DNAI7: variants seen among roughly 807,000 people sequenced by gnomAD.
The protein encoded by DNAI7 is cancer susceptibility 1.
A neutral mutation model predicts 86.6 loss-of-function variants in DNAI7; 78 were observed. That is an observed-to-expected ratio of 0.90 (90% CI 0.75 to 1.09). DNAI7 has a LOEUF of 1.09. Ranked by LOEUF, DNAI7 falls within the 50% of genes least tolerant of loss-of-function variation. The pLI, the probability that DNAI7 is intolerant of heterozygous loss-of-function variation, is 0.00. For synonymous variants in DNAI7, 274 were observed against 273.0 expected (o/e 1.00, Z -0.04); for missense variants, 753 against 810.2 (o/e 0.93, Z 0.86).
intron 4 of DNAI7, 76 bp from the exon 5 acceptor site, chr12:25,155,488 A>G: frequency 1.5e-6 from 1 of 682,942 alleles, no homozygotes; most frequent in East Asian, 2.8e-5. Context: ...TCTAAAACTG[A>G]CGTGGCTAAA....
At chr12:25,173,232 G>A (rs187462363) in intron 2 of DNAI7, among the ~76,000 whole-genome samples, 7 of 151,994 alleles carry the variant, frequency 4.6e-5, no homozygotes, top group South Asian at 2.1e-4. Context: ...AATCTGCAAC[G>A]AACTCAAGCA....
intron 2 of DNAI7, among the ~76,000 whole-genome samples, chr12:25,174,006 A>G (rs2141183429): frequency 6.7e-6 from 1 of 149,072 alleles, no homozygotes; most frequent in South Asian, 2.1e-4. Flanking sequence ...CATATATCAT[A>G]TACATGGAAT....
intron 9 of DNAI7, among the ~76,000 whole-genome samples, chr12:25,127,497 ATTT>A (rs916321418): frequency 9.9e-5 from 15 of 152,208 alleles, no homozygotes; most frequent in African/African-American, 3.1e-4. Flanking sequence ...GACAACTGGA[ATTT>A]TTACTTCAAT....
rs1946473644 is a variant in DNAI7, at chr12:25,158,534, C to CTTCT, written c.132_135dup (p.Glu46ArgfsTer7). ...CGCTGTATTTCAAGCCTTTCCATTT[C>CTTCT]TTCTTTCTCATATTTCAAACGGGCT... is the stretch of plus-strand genomic sequence containing the variant. On this transcript the variant is annotated frameshift_variant, in exon 4 of 16. Transcript: ENST00000395987. LOFTEE classifies it high-confidence loss of function. 6.2e-7 allele frequency: 1 copy of CTTCT among 1,612,864 alleles called. No homozygotes were observed. The highest frequency in any genetic ancestry group is 1.3e-5 in the African/African-American group (1 of 74,994).
At chr12:25,141,821 C>A (rs1944227372) in intron 9 of DNAI7, among the ~76,000 whole-genome samples, 1 of 142,698 alleles carries the variant, frequency 7.0e-6, no homozygotes, top group South Asian at 2.4e-4. Context: ...CAGAGTGAGA[C>A]TCTGTCTCAA....
intron 6 of DNAI7, 40 bp downstream of exon 6, chr12:25,154,279 T>G (rs1391936731): frequency 9.2e-6 from 14 of 1,525,670 alleles, no homozygotes; most frequent in Non-Finnish European, 1.2e-5. Context: ...ATCAGACTAT[T>G]TGTAATAGCC....
At chr12:25,122,940 T>G (rs1941549062) in intron 10 of DNAI7, among the ~76,000 whole-genome samples, 1 of 152,232 alleles carries the variant, frequency 6.6e-6, no homozygotes, top group Non-Finnish European at 1.5e-5. Context: ...GTGTTCTATG[T>G]ATGTAACACG....
At position 25,195,109 on chromosome 12, in the gene DNAI7, A is replaced by C; in HGVS notation, c.-31T>G. The stretch of plus-strand genomic sequence containing the variant: ...GTCAAGCTCCACTGCAGTAGTCCGC[A>C]GAGTCGGAGCAGAAATTGTGTGGAC... On this transcript the variant is annotated 5_prime_UTR_variant, in exon 1 of 16. Coordinates refer to ENST00000395987, the MANE Select transcript of DNAI7 (RefSeq NM_018272.5). The C allele has an allele frequency of 1.2e-6, 2 of 1,611,620 alleles. No individual in the cohort carries two copies. The highest frequency in any genetic ancestry group is 2.2e-5 in the East Asian group (1 of 44,872).
chr12:25,108,210 T>TATC, downstream of DNAI7: 2 of 829,516 alleles, frequency 2.4e-6, no homozygotes, highest in East Asian at 2.6e-5. Flanking sequence ...TTTTTGCCTT[T>TATC]ATCTCCCCAA....
intron 2 of DNAI7, among the ~76,000 whole-genome samples, chr12:25,186,398 T>C (rs1261851426): frequency 2.0e-5 from 3 of 152,206 alleles, no homozygotes; most frequent in South Asian, 2.1e-4. Flanking sequence ...AAAACATTAT[T>C]ATCAAATGAT....
rs569609303 is a variant in DNAI7, at chr12:25,158,598, T to C, written c.107-35A>G. The C allele has an allele frequency of 7.0e-6, 11 of 1,573,584 alleles. No individual in the cohort carries two copies. In the East Asian group the frequency reaches 1.1e-4, roughly 16 times the overall value. ...CAAAAATAATTTTTTTCTCAGTGAA[T>C]AGATCACTGTATTTTTAAGCCCTTA... is the stretch of plus-strand genomic sequence containing the variant. On this transcript the variant is annotated intron_variant, in intron 3 of 15. Coordinates refer to ENST00000395987, the MANE Select transcript of DNAI7 (RefSeq NM_018272.5).
intron 3 of DNAI7, 48 bp from the exon 4 acceptor site, chr12:25,158,611 T>C: frequency 6.4e-7 from 1 of 1,562,388 alleles, no homozygotes; most frequent in Non-Finnish European, 8.7e-7. Context: ...ATCACTGTAT[T>C]TTTAAGCCCT....
chr12:25,191,239 C>A (rs1950487064), intron 1 of DNAI7, among the ~76,000 whole-genome samples: 1 of 152,082 alleles, frequency 6.6e-6, no homozygotes, highest in Admixed American at 6.6e-5. Flanking sequence ...ACAGGAAGAC[C>A]CCGTCTCTAC....
Position 25,185,773 on chromosome 12 carries a change from T to C in DNAI7, c.21+4841A>G, listed in dbSNP as rs920370821. 2.9e-5 allele frequency: 29 copies of C among 983,990 alleles called. No homozygotes were observed. In the Admixed American group the frequency reaches 4.3e-4, roughly 15 times the overall value. 61.0% of individuals were successfully genotyped at this position (983,990 alleles called of 1,614,324 possible). ...CTCTTTGGCCACTGAAGCCTGTTTG[T>C]GATGACAGTGTTCCTAAATGAAAAT... On this transcript the variant is annotated intron_variant, in intron 2 of 15. Coordinates refer to ENST00000395987, the MANE Select transcript of DNAI7 (RefSeq NM_018272.5).
chr12:25,181,104 G>A (rs890702030), intron 2 of DNAI7, among the ~76,000 whole-genome samples: 2 of 151,870 alleles, frequency 1.3e-5, no homozygotes, highest in Admixed American at 6.6e-5. Context: ...CATCGTGCCC[G>A]GCCTATAATT....
intron 2 of DNAI7, among the ~76,000 whole-genome samples, chr12:25,181,060 G>C (rs1320202321): frequency 6.6e-6 from 1 of 152,092 alleles, no homozygotes. Context: ...CGCCTGCCTT[G>C]GCCTCCCAAA....
chr12:25,165,404 C>A (rs1176687512), intron 2 of DNAI7, among the ~76,000 whole-genome samples: 3 of 152,222 alleles, frequency 2.0e-5, no homozygotes, highest in Admixed American at 6.5e-5. Flanking sequence ...AGAACCTCCT[C>A]CCCCAGGAGC....
At chr12:25,112,807 A>C (rs1040576355) in intron 13 of DNAI7, among the ~76,000 whole-genome samples, 1 of 152,304 alleles carries the variant, frequency 6.6e-6, no homozygotes, top group Admixed American at 6.5e-5. Flanking sequence ...TTGAGAGTTT[A>C]CATTTTTTTC....
At chr12:25,176,810 A>T (rs1435466510) in intron 2 of DNAI7, among the ~76,000 whole-genome samples, 1 of 151,796 alleles carries the variant, frequency 6.6e-6, no homozygotes, top group Non-Finnish European at 1.5e-5. Flanking sequence ...ACTTTCCATA[A>T]ATTTAATGAC....
Sources: gnomAD v4.1 joint callset for allele counts (sites outside exome capture counted in the v4.1 genomes callset) on GRCh38, gnomAD v4.1.1 for gene constraint, MANE v1.5 for transcripts, NCBI Gene and HGNC (gene_info 2026-07-23, HGNC 2026-07-21) for gene names.